The following MBTD1 variants were observed in gnomAD, a reference collection of about 807,000 sequenced individuals.
MBTD1 encodes the protein mbt domain containing 1, also known as MBT domain-containing protein 1.
Under a neutral mutation model 87.8 loss-of-function variants are expected in MBTD1, and 24 were observed. The observed-to-expected ratio is 0.27, with a 90% CI of 0.20 to 0.38. The LOEUF is 0.38. Ranked by LOEUF, MBTD1 falls within the 10% of genes least tolerant of loss-of-function variation. The pLI is 1.00. For synonymous variants in MBTD1, 237 were observed against 248.6 expected (o/e 0.95, Z 0.44); for missense variants, 436 against 760.2 (o/e 0.57, Z 5.02).
At chr17:51,183,976 A>T (rs577724096) in intron 16 of MBTD1, 15 of 152,356 alleles carry the variant, frequency 9.8e-5, no homozygotes, top group African/African-American at 3.6e-4. Flanking sequence ...ATGTTTTTTA[A>T]AAAAATGTAA....
upstream of MBTD1, chr17:51,260,647 G>GAAGCCC: frequency 6.2e-7 from 1 of 1,612,550 alleles, no homozygotes; most frequent in Non-Finnish European, 8.5e-7. Flanking sequence ...AGCCGAAGCG[G>GAAGCCC]AAGCCCGGAA....
chr17:51,260,760 C>T (rs568030637), upstream of MBTD1: 133 of 1,582,280 alleles, frequency 8.4e-5, 2 homozygotes, highest in African/African-American at 1.7e-3. Flanking sequence ...GCGGCGGCCG[C>T]TGCGATTGCA....
chr17:51,203,947 C>G, intron 7 of MBTD1, 22 bp from the exon 8 acceptor site: 1 of 1,556,780 alleles, frequency 6.4e-7, no homozygotes, highest in East Asian at 2.2e-5. Context: ...AAATAAATCA[C>G]TACATAATAA....
In MBTD1 at chr17:51,179,682, C is replaced by G. The variant is rs943654579; in HGVS notation, c.*894G>C. On this transcript the variant is annotated 3_prime_UTR_variant, in exon 17 of 17. Coordinates refer to ENST00000586178, the MANE Select transcript of MBTD1 (RefSeq NM_017643.3). ...ATTCGATTCTCCTAATACAGAACATCTGTTTTTGGTTGTGGTTATACGAAG... is the reference window on the plus strand; with the variant it reads ...ATTCGATTCTCCTAATACAGAACATGTGTTTTTGGTTGTGGTTATACGAAG... The G allele has an allele frequency of 5.3e-5, 8 of 151,152 alleles. No homozygotes were observed. In the Admixed American group the frequency reaches 5.3e-4, roughly 10 times the overall value. 9.4% of individuals were successfully genotyped at this position (151,152 alleles called of 1,614,324 possible).
Position 51,190,349 on chromosome 17 carries a change from G to A in MBTD1, c.1768+1854C>T, listed in dbSNP as rs1297537816. ...TACCCAGGCTGGTCTAAAGCCATCCGCCTTGGCCTCCCAAAGTTGCTGGGA... is the reference window on the plus strand; with the variant it reads ...TACCCAGGCTGGTCTAAAGCCATCCACCTTGGCCTCCCAAAGTTGCTGGGA... On this transcript the variant is annotated intron_variant, in intron 16 of 16. Transcript: ENST00000586178. Among the ~76,000 whole-genome samples the A allele has an allele frequency of 2.6e-5, 4 of 151,908 alleles. No individual in the cohort carries two copies. In the East Asian group the frequency reaches 5.8e-4, roughly 22 times the overall value.
At position 51,228,490 on chromosome 17, in the gene MBTD1, G is replaced by GAAA. The variant is rs5820845; in HGVS notation, c.-48-3284_-48-3282dup. 9.9e-5 allele frequency among the ~76,000 whole-genome samples: 12 copies of GAAA among 121,284 alleles called. 1 individual carries two copies. Among genetic ancestry groups the GAAA allele is most frequent in the African/African-American group, 2.3e-4 (7 of 30,708 alleles). The allele number at this position is 121,284 out of a possible 152,430, so 79.6% of individuals were successfully genotyped here. On this transcript the variant is annotated intron_variant, in intron 2 of 16. Coordinates refer to ENST00000586178, the MANE Select transcript of MBTD1 (RefSeq NM_017643.3). ...CAAGATGTTGCCTCATTCAAACCAC[G>GAAA]AAAAAAAAAAAAAAACAAGACAAAA...
intron 9 of MBTD1, 44 bp from the exon 10 acceptor site, chr17:51,202,979 G>C (rs968653865): frequency 3.4e-6 from 5 of 1,484,416 alleles, no homozygotes; most frequent in Admixed American, 3.4e-5. Context: ...CATGACAAAG[G>C]TCTACAAGAA....
chr17:51,218,923 A>G lies in MBTD1; in HGVS notation c.403+7T>C. 6.7e-7 allele frequency: 1 copy of G among 1,500,414 alleles called. No homozygotes were observed. The highest frequency in any genetic ancestry group is 9.1e-7 in the Non-Finnish European group (1 of 1,100,600). The allele number at this position is 1,500,414 out of a possible 1,614,324, so 92.9% of individuals were successfully genotyped here. ...TATTTCACCTCTGTCAGATTCACCA[A>G]TATTACCTGCTTTTGTCTTTGCTTG... On this transcript the variant is annotated splice_region_variant and intron_variant, in intron 5 of 16. Transcript: ENST00000586178.
At chr17:51,213,712 A>T (rs11656911) in intron 6 of MBTD1, among the ~76,000 whole-genome samples, 78,065 of 151,908 alleles carry the variant, frequency 0.51, 20,368 homozygotes, top group South Asian at 0.65. Flanking sequence ...TTTAGGATTA[A>T]TTAAAAGTGA....
At position 51,202,925 on chromosome 17, in the gene MBTD1, C is replaced by G; in HGVS notation, c.839G>C (p.Ser280Thr). The G allele has an allele frequency of 6.2e-7, 1 of 1,610,792 alleles. No individual in the cohort carries two copies. The change falls in exon 10 of 17, where the codon AGT (serine) becomes ACT (threonine). Residue 280 changes from serine (S) to threonine (T), a missense_variant. Around this residue, in one of 5 missense-constraint regions of MBTD1, gnomAD observed 268 missense variants for 401.8 expected, o/e 0.67. Coordinates refer to ENST00000586178, the MANE Select transcript of MBTD1 (RefSeq NM_017643.3). ...GCAAGGTTTGAAAGGATACTGCATACTCTCTGAAACCTTAAAAGCATACAA... is the reference window on the plus strand; with the variant it reads ...GCAAGGTTTGAAAGGATACTGCATAGTCTCTGAAACCTTAAAAGCATACAA... ...PPDFSQKVSESMQYPFKPCMR... is the reference protein window; with the variant it reads ...PPDFSQKVSETMQYPFKPCMR...
chr17:51,247,451 T>C (rs1313772336), intron 2 of MBTD1, among the ~76,000 whole-genome samples: 1 of 150,170 alleles, frequency 6.7e-6, no homozygotes, highest in Non-Finnish European at 1.5e-5. Context: ...CTTTTTTTTT[T>C]TTTTTTTTTT....
rs1298187864 is a variant in MBTD1, at chr17:51,206,878, T to C, written c.604+10A>G. ...GCATTTTCTACTAAACTATTATTCA[T>C]GCTTTTCACCTGCTAATTTTACAAT... is the stretch of plus-strand genomic sequence containing the variant. On this transcript the variant is annotated intron_variant, in intron 7 of 16. Transcript: ENST00000586178. 6.5e-7 allele frequency: 1 copy of C among 1,538,668 alleles called. No individual in the cohort carries two copies. Among genetic ancestry groups the C allele is most frequent in the Non-Finnish European group, 9.0e-7 (1 of 1,111,862 alleles).
At chr17:51,182,352 C>T (rs187199721) in intron 16 of MBTD1, among the ~76,000 whole-genome samples, 1 of 152,136 alleles carries the variant, frequency 6.6e-6, no homozygotes, top group East Asian at 1.9e-4. Flanking sequence ...GTCTTGAACT[C>T]CTAGCCTCAT....
At chr17:51,259,346 G>T (rs2055305748) in intron 1 of MBTD1, 140 bp from the exon 2 acceptor site, 3 of 923,218 alleles carry the variant, frequency 3.2e-6, no homozygotes, top group African/African-American at 1.7e-5. Context: ...TGCCCACCCC[G>T]CCCCCTTTCA....
chr17:51,187,351 A>G (rs1189344256), intron 16 of MBTD1, among the ~76,000 whole-genome samples: 1 of 150,820 alleles, frequency 6.6e-6, no homozygotes, highest in Non-Finnish European at 1.5e-5. Flanking sequence ...GCAGTGAGCT[A>G]TGATTGCACC....
In MBTD1 at chr17:51,245,401, G is replaced by T. The variant is rs553345870; in HGVS notation, c.-49+13742C>A. 4.3e-4 allele frequency among the ~76,000 whole-genome samples: 65 copies of T among 152,246 alleles called. No individual in the cohort carries two copies. In the South Asian group the frequency reaches 0.013, roughly 32 times the overall value. On this transcript the variant is annotated intron_variant, in intron 2 of 16. Transcript: ENST00000586178. Reference sequence around the variant, plus strand: ...TTTAAAATATCTGAGATAGCAAAATGTATCAGTATTTTATTTCATTGTACC... The same window carrying T: ...TTTAAAATATCTGAGATAGCAAAATTTATCAGTATTTTATTTCATTGTACC...
rs2054234839 is a variant in MBTD1, at chr17:51,242,896, TTC to T, written c.-49+16245_-49+16246del. 2.0e-5 allele frequency among the ~76,000 whole-genome samples: 3 copies of T among 152,208 alleles called. No individual in the cohort carries two copies. In the South Asian group the frequency reaches 6.2e-4, roughly 31 times the overall value. On this transcript the variant is annotated intron_variant, in intron 2 of 16. Transcript: ENST00000586178. ...GTTTAGAAATATACCCTGGAAATCA[TTC>T]CATTTCAGTGCACTGACATCTTCCT...
intron 2 of MBTD1, among the ~76,000 whole-genome samples, chr17:51,258,665 G>A (rs998709796): frequency 2.0e-5 from 3 of 152,154 alleles, no homozygotes; most frequent in Admixed American, 6.5e-5. Flanking sequence ...GACATCCTTA[G>A]AAGTGATTTA....
chr17:51,210,912 A>C (rs2052160954), intron 6 of MBTD1, among the ~76,000 whole-genome samples: 1 of 151,774 alleles, frequency 6.6e-6, no homozygotes, highest in Admixed American at 6.6e-5. Flanking sequence ...CAAGGTGGGC[A>C]GATCACTTGA....
Sources: gnomAD v4.1 joint callset for allele counts (sites outside exome capture counted in the v4.1 genomes callset) on GRCh38, gnomAD v4.1.1 for gene constraint, gnomAD v4.1.1 regional missense constraint, MANE v1.5 for transcripts, NCBI Gene and HGNC (gene_info 2026-07-23, HGNC 2026-07-21) for gene names.